The following EYA1 variants were observed in gnomAD, a reference collection of about 807,000 sequenced individuals.
EYA1 encodes the protein EYA transcriptional coactivator and phosphatase 1.
In EYA1, 16 loss-of-function variants were observed where a neutral mutation model predicts 82.0. The ratio of observed to expected loss-of-function variants is 0.20; its 90% CI spans 0.13 to 0.30. EYA1 has a LOEUF of 0.30. Ranked by LOEUF, EYA1 falls within the 10% of genes least tolerant of loss-of-function variation. The pLI, the probability that EYA1 is intolerant of heterozygous loss-of-function variation, is 1.00. For synonymous variants in EYA1, 261 were observed against 264.4 expected, an observed-to-expected ratio of 0.99 and a Z score of 0.12; for missense variants, 633 against 730.7, an observed-to-expected ratio of 0.87 and a Z score of 1.54.
At chr8:71,409,745 C>G (rs1349345299) in intron 2 of EYA1, among the ~76,000 whole-genome samples, 6 of 109,096 alleles carry the variant, frequency 5.5e-5, no homozygotes, top group African/African-American at 2.3e-4. Context: ...GTTTACCAAC[C>G]AAAAAGAGTC....
At chr8:71,403,403 A>G (rs1586643785) in intron 2 of EYA1, 1 of 152,368 alleles carries the variant, frequency 6.6e-6, no homozygotes. Flanking sequence ...TGGAATTCAC[A>G]TAGGATGCTG....
Position 71,412,762 on chromosome 8 carries a change from C to T in EYA1, c.34-56251G>A, listed in dbSNP as rs77898811. 2.9e-3 allele frequency among the ~76,000 whole-genome samples: 449 copies of T among 152,338 alleles called. 4 individuals are homozygous for T. The highest frequency in any genetic ancestry group is 0.016 in the South Asian group (78 of 4,826). On this transcript the variant is annotated intron_variant, in intron 2 of 18. Coordinates refer to the EYA1 transcript ENST00000643681. ...TCTGGGCATAGTCAGGAATGACCAACGTGGCCAACATCAAGGGCATCTTTT... is the reference window on the plus strand; with the variant it reads ...TCTGGGCATAGTCAGGAATGACCAATGTGGCCAACATCAAGGGCATCTTTT...
intron 2 of EYA1, among the ~76,000 whole-genome samples, chr8:71,459,263 A>G (rs1265324679): frequency 6.6e-6 from 1 of 152,162 alleles, no homozygotes; most frequent in Non-Finnish European, 1.5e-5. Flanking sequence ...ACGGTGGCCA[A>G]ACTTTTATTT....
chr8:71,373,985 C>A (rs1416264344), intron 2 of EYA1, among the ~76,000 whole-genome samples: 1 of 152,076 alleles, frequency 6.6e-6, no homozygotes, highest in Non-Finnish European at 1.5e-5. Flanking sequence ...ACAAAAGCAA[C>A]TCCAAATGGA....
intron 2 of EYA1, among the ~76,000 whole-genome samples, chr8:71,442,294 T>C (rs193006250): frequency 1.5e-4 from 23 of 152,332 alleles, no homozygotes; most frequent in Admixed American, 7.8e-4. Flanking sequence ...ATGGGTCCTG[T>C]GGGAAGTGGA....
At chr8:71,446,939 A>AG (rs2129175444) in intron 2 of EYA1, among the ~76,000 whole-genome samples, 1 of 152,278 alleles carries the variant, frequency 6.6e-6, no homozygotes, top group Admixed American at 6.5e-5. Context: ...TTAAAGTAGC[A>AG]GCTTAGTTAT....
chr8:71,224,025 A>G (rs761748935), intron 12 of EYA1, among the ~76,000 whole-genome samples: 3 of 152,220 alleles, frequency 2.0e-5, no homozygotes, highest in African/African-American at 7.2e-5. Context: ...GCCAACAGTG[A>G]CGTAATAGCT....
chr8:71,363,378 C>G (rs1827554975), upstream of EYA1, among the ~76,000 whole-genome samples: 1 of 152,040 alleles, frequency 6.6e-6, no homozygotes, highest in African/African-American at 2.4e-5. Context: ...TCCCCCCAAC[C>G]ACCGAAAGTA....
At chr8:71,510,151 T>C (rs1411402554) in intron 2 of EYA1, among the ~76,000 whole-genome samples, 3 of 152,170 alleles carry the variant, frequency 2.0e-5, no homozygotes, top group African/African-American at 7.2e-5. Flanking sequence ...GCAGAGGCTT[T>C]AAATGTACTC....
chr8:71,490,245 T>C (rs768971369), intron 2 of EYA1, among the ~76,000 whole-genome samples: 1 of 152,214 alleles, frequency 6.6e-6, no homozygotes, highest in Non-Finnish European at 1.5e-5. Flanking sequence ...CCTTAACTTT[T>C]GAGAAGATGG....
At chr8:71,273,524 A>G (rs1816788970) in intron 9 of EYA1, among the ~76,000 whole-genome samples, 1 of 152,242 alleles carries the variant, frequency 6.6e-6, no homozygotes, top group African/African-American at 2.4e-5. Flanking sequence ...GAGAATCAGC[A>G]GCTCCAAATG....
At chr8:71,423,624 C>T (rs551520908) in intron 2 of EYA1, among the ~76,000 whole-genome samples, 12 of 152,062 alleles carry the variant, frequency 7.9e-5, no homozygotes, top group African/African-American at 1.2e-4. Flanking sequence ...TAGTCATCCA[C>T]GACCGATAAG....
intron 11 of EYA1, among the ~76,000 whole-genome samples, chr8:71,265,298 C>T (rs1311483462): frequency 6.6e-6 from 1 of 152,054 alleles, no homozygotes; most frequent in East Asian, 1.9e-4. Flanking sequence ...TCAATTTTCT[C>T]ATCTATAAAA....
At chr8:71,486,198 T>C (rs1181324570) in intron 2 of EYA1, among the ~76,000 whole-genome samples, 1 of 152,126 alleles carries the variant, frequency 6.6e-6, no homozygotes, top group East Asian at 1.9e-4. Flanking sequence ...ACTACAACTC[T>C]CCTGGTGGCA....
chr8:71,236,710 A>T (rs2128891267), intron 12 of EYA1, among the ~76,000 whole-genome samples: 1 of 152,318 alleles, frequency 6.6e-6, no homozygotes, highest in African/African-American at 2.4e-5. Context: ...CCATAAAATT[A>T]AGATATTAAT....
At chr8:71,528,753 G>A (rs916930244) in intron 2 of EYA1, among the ~76,000 whole-genome samples, 6 of 152,142 alleles carry the variant, frequency 3.9e-5, no homozygotes, top group African/African-American at 1.2e-4. Context: ...CTGAATCTGC[G>A]CTCTCATTCA....
intron 2 of EYA1, among the ~76,000 whole-genome samples, chr8:71,430,109 G>A (rs563400882): frequency 6.6e-6 from 1 of 152,280 alleles, no homozygotes; most frequent in Non-Finnish European, 1.5e-5. Context: ...TATTTAAAAT[G>A]TATTAGCCCT....
At chr8:71,298,046 G>A (rs569215745) in intron 9 of EYA1, among the ~76,000 whole-genome samples, 2 of 152,188 alleles carry the variant, frequency 1.3e-5, no homozygotes, top group Non-Finnish European at 2.9e-5. Context: ...AAATTTTGAA[G>A]ACTTTTGGGG....
chr8:71,231,358 T>C (rs1811174075), intron 12 of EYA1, among the ~76,000 whole-genome samples: 1 of 152,192 alleles, frequency 6.6e-6, no homozygotes, highest in South Asian at 2.1e-4. Context: ...TGACATGGCT[T>C]CTGTCTTTCT....
Sources: allele counts gnomAD v4.1 joint callset (sites outside exome capture counted in the v4.1 genomes callset), GRCh38; gene constraint gnomAD v4.1.1; transcripts MANE v1.5; gene names NCBI Gene and HGNC (gene_info 2026-07-23, HGNC 2026-07-21).